The following SDK1 variants were observed in gnomAD, a reference collection of about 807,000 sequenced individuals.
The protein encoded by SDK1 is sidekick cell adhesion molecule 1.
In SDK1, 157 loss-of-function variants were observed where a neutral mutation model predicts 245.5. The ratio of observed to expected loss-of-function variants is 0.64; its 90% CI spans 0.56 to 0.73. The LOEUF is 0.73. Among genes scored for constraint, SDK1 ranks in the 30% least tolerant of loss-of-function variants. The probability of loss-of-function intolerance (pLI) is 0.00; values close to 1 mark genes in which losing one functional copy is unlikely to be tolerated. For missense variants in SDK1, 3,583 were observed against 3,002.3 expected, an observed-to-expected ratio of 1.19 and a Z score of -4.52; for synonymous variants, 1,647 against 1,278.5, an observed-to-expected ratio of 1.29 and a Z score of -6.15.
intron 1 of SDK1, among the ~76,000 whole-genome samples, chr7:3,580,515 A>G (rs1418388350): frequency 1.3e-5 from 2 of 152,204 alleles, no homozygotes; most frequent in African/African-American, 4.8e-5. Context: ...CTGATCTTTG[A>G]CAAAGCTGAC....
rs1788401457 is a variant in SDK1, at chr7:4,265,353, C to G, written c.6611C>G (p.Thr2204Ser). 8.2e-6 allele frequency: 12 copies of G among 1,455,896 alleles called. No individual in the cohort carries two copies. The East Asian group carries it at 2.8e-4, about 34-fold the overall frequency. The allele number at this position is 1,455,896 out of a possible 1,614,324, so 90.2% of individuals were successfully genotyped here. ...VYTPAGPGAR[T>S]PLTGFSSFV The stretch of plus-strand genomic sequence containing the variant: ...ACCCCCGCTGGCCCCGGCGCGCGAA[C>G]TCCGCTCACCGGCTTCTCCTCCTTC... Residue 2204 changes from threonine (T) to serine (S), a missense_variant, in exon 45 of 45, where the codon ACT becomes AGT. Thr to Ser is a moderately conservative substitution (Grantham distance 58). Coordinates refer to ENST00000404826, the MANE Select transcript of SDK1 (RefSeq NM_152744.4).
chr7:3,712,089 G>C (rs1785066383), intron 4 of SDK1, among the ~76,000 whole-genome samples: 1 of 152,124 alleles, frequency 6.6e-6, no homozygotes, highest in Non-Finnish European at 1.5e-5. Flanking sequence ...CGCAACCCTT[G>C]GGTAGGAACC....
chr7:3,448,718 C>G (rs932044121), intron 1 of SDK1, among the ~76,000 whole-genome samples: 2 of 152,094 alleles, frequency 1.3e-5, no homozygotes, highest in Non-Finnish European at 2.9e-5. Context: ...ATAAACCACC[C>G]TTTCTTTCTG....
intron 4 of SDK1, among the ~76,000 whole-genome samples, chr7:3,678,623 G>C (rs185663068): frequency 3.9e-5 from 6 of 152,268 alleles, no homozygotes; most frequent in Middle Eastern, 3.4e-3. Flanking sequence ...TCATGGCCCT[G>C]GGGGGAGGGA....
chr7:4,046,975 A>G (rs987588395), intron 17 of SDK1, among the ~76,000 whole-genome samples: 1 of 152,034 alleles, frequency 6.6e-6, no homozygotes, highest in Admixed American at 6.6e-5. Context: ...CACCCATGTG[A>G]TATGATTCTG....
At chr7:3,962,457 A>G (rs1781773690) in intron 8 of SDK1, among the ~76,000 whole-genome samples, 200 bp from the exon 9 acceptor site, 1 of 152,210 alleles carries the variant, frequency 6.6e-6, no homozygotes, top group South Asian at 2.1e-4. Flanking sequence ...AGTTCATGCC[A>G]GCTGTTCCTC....
At chr7:4,213,834 C>T (rs1049963379) in intron 38 of SDK1, among the ~76,000 whole-genome samples, 1 of 152,160 alleles carries the variant, frequency 6.6e-6, no homozygotes, top group Non-Finnish European at 1.5e-5. Context: ...ACAGTTTTTG[C>T]ATCACTGGGA....
intron 1 of SDK1, among the ~76,000 whole-genome samples, chr7:3,511,666 A>T (rs548589941): frequency 7.2e-4 from 110 of 152,240 alleles, no homozygotes; most frequent in African/African-American, 2.5e-3. Context: ...CAATTATTTT[A>T]AAAATCCTTT....
intron 5 of SDK1, among the ~76,000 whole-genome samples, chr7:3,898,994 A>G (rs903485786): frequency 5.3e-5 from 8 of 152,224 alleles, no homozygotes; most frequent in South Asian, 2.1e-4. Flanking sequence ...GTAAGGTGAA[A>G]CAGTCCATAT....
chr7:4,144,160 G>A (rs908920437), intron 28 of SDK1, among the ~76,000 whole-genome samples: 1 of 152,036 alleles, frequency 6.6e-6, no homozygotes, highest in East Asian at 1.9e-4. Flanking sequence ...GAGGCCGGGG[G>A]AAAGAGCTGG....
chr7:3,667,405 C>G (rs953288804), intron 4 of SDK1, among the ~76,000 whole-genome samples: 24 of 152,210 alleles, frequency 1.6e-4, no homozygotes, highest in Admixed American at 1.4e-3. Context: ...TCCCAACCTC[C>G]TCCTACCCTG....
At chr7:3,522,101 C>A (rs1418912135) in intron 1 of SDK1, among the ~76,000 whole-genome samples, 1 of 151,674 alleles carries the variant, frequency 6.6e-6, no homozygotes, top group Non-Finnish European at 1.5e-5. Context: ...TAAGTGACTA[C>A]TTCATTAACT....
At chr7:3,727,736 C>A (rs1440246691) in intron 4 of SDK1, among the ~76,000 whole-genome samples, 1 of 152,170 alleles carries the variant, frequency 6.6e-6, no homozygotes, top group Non-Finnish European at 1.5e-5. Context: ...GGTGATCCAC[C>A]CGCCTCAGCC....
At chr7:3,537,331 C>T (rs1428408345) in intron 1 of SDK1, among the ~76,000 whole-genome samples, 1 of 152,166 alleles carries the variant, frequency 6.6e-6, no homozygotes, top group Non-Finnish European at 1.5e-5. Context: ...ATGTAACTGG[C>T]CCTAAGTCAC....
At chr7:3,368,738 A>C (rs1186549167) in intron 1 of SDK1, among the ~76,000 whole-genome samples, 1 of 152,182 alleles carries the variant, frequency 6.6e-6, no homozygotes, top group Non-Finnish European at 1.5e-5. Flanking sequence ...TTCCCACTCT[A>C]TTCCAAACCT....
intron 32 of SDK1, 25 bp from the exon 33 acceptor site, chr7:4,174,197 C>G (rs777710264): frequency 6.2e-7 from 1 of 1,613,176 alleles, no homozygotes; most frequent in African/African-American, 1.3e-5. Context: ...CATGGTGTGG[C>G]TGAGTCGGTG....
At chr7:3,711,680 T>C (rs951090853) in intron 4 of SDK1, among the ~76,000 whole-genome samples, 1 of 152,128 alleles carries the variant, frequency 6.6e-6, no homozygotes, top group Non-Finnish European at 1.5e-5. Flanking sequence ...AAAATGACTG[T>C]GGCTGTAGTA....
chr7:3,889,591 T>A lies in SDK1; in HGVS notation c.848-61332T>A, dbSNP rs993697811. ...GGAGCGATCTCAGCTCACTGCAAGC[T>A]CTGCCTCCCGGCTTCATGCCATTCT... is the stretch of plus-strand genomic sequence containing the variant. On this transcript the variant is annotated intron_variant, in intron 5 of 44. Coordinates refer to ENST00000404826, the MANE Select transcript of SDK1 (RefSeq NM_152744.4). 4.6e-5 allele frequency among the ~76,000 whole-genome samples: 7 copies of A among 152,250 alleles called. No homozygotes were observed. In the East Asian group the frequency reaches 1.4e-3, roughly 29 times the overall value.
chr7:3,661,576 T>C (rs1455533837), intron 4 of SDK1, among the ~76,000 whole-genome samples: 1 of 152,206 alleles, frequency 6.6e-6, no homozygotes, highest in Non-Finnish European at 1.5e-5. Flanking sequence ...TATCATTGAA[T>C]TTTTGAAAAG....
Sources: allele counts gnomAD v4.1 joint callset (sites outside exome capture counted in the v4.1 genomes callset), GRCh38; gene constraint gnomAD v4.1.1; transcripts MANE v1.5; gene names NCBI Gene and HGNC (gene_info 2026-07-23, HGNC 2026-07-21).